Variants in PDZRN3 observed in about 807,000 individuals in gnomAD.
PDZRN3 encodes the protein PDZ domain containing ring finger 3.
Under a neutral mutation model 85.7 loss-of-function variants are expected in PDZRN3, and 38 were observed. The ratio of observed to expected loss-of-function variants is 0.44; its 90% CI spans 0.34 to 0.58. The LOEUF (loss-of-function observed/expected upper bound fraction) is 0.58. Ranked by LOEUF, PDZRN3 falls within the 20% of genes least tolerant of loss-of-function variation. The pLI, the probability that PDZRN3 is intolerant of heterozygous loss-of-function variation, is 0.01. For missense variants in PDZRN3, 1,629 were observed against 1,506.4 expected (o/e 1.08, Z -1.35); for synonymous variants, 759 against 638.0 (o/e 1.19, Z -2.86).
intron 3 of PDZRN3, among the ~76,000 whole-genome samples, chr3:73,513,159 C>G (rs943181037): frequency 3.3e-5 from 5 of 152,160 alleles, no homozygotes; most frequent in African/African-American, 1.2e-4. Context: ...AACAGGGCAA[C>G]CCAGGCTTCC....
chr3:73,411,103 T>G (rs1339428088), intron 3 of PDZRN3, among the ~76,000 whole-genome samples: 1 of 152,238 alleles, frequency 6.6e-6, no homozygotes, highest in Non-Finnish European at 1.5e-5. Context: ...GTTTTGCTCT[T>G]AAGCTTATTC....
intron 3 of PDZRN3, among the ~76,000 whole-genome samples, chr3:73,560,119 A>C (rs1427391687): frequency 6.6e-6 from 1 of 152,224 alleles, no homozygotes; most frequent in Admixed American, 6.5e-5. Context: ...GTAGGTACGA[A>C]CATGACTTTA....
intron 3 of PDZRN3, among the ~76,000 whole-genome samples, chr3:73,410,628 A>T (rs1034824923): frequency 1.3e-5 from 2 of 152,218 alleles, no homozygotes; most frequent in Admixed American, 1.3e-4. Flanking sequence ...TGTCTAACTG[A>T]TGTGTCTCAC....
At chr3:73,599,113 T>A (rs1702473621) in intron 3 of PDZRN3, among the ~76,000 whole-genome samples, 1 of 151,786 alleles carries the variant, frequency 6.6e-6, no homozygotes, top group African/African-American at 2.4e-5. Flanking sequence ...CACAACAGAG[T>A]TTTTGGCAGT....
At chr3:73,420,087 G>A (rs768551451) in intron 3 of PDZRN3, among the ~76,000 whole-genome samples, 9 of 152,182 alleles carry the variant, frequency 5.9e-5, no homozygotes, top group Non-Finnish European at 1.2e-4. Context: ...CTCTGGATAC[G>A]AGACAGTGTA....
At chr3:73,615,202 T>C (rs1173308325) in intron 1 of PDZRN3, among the ~76,000 whole-genome samples, 1 of 152,198 alleles carries the variant, frequency 6.6e-6, no homozygotes, top group Non-Finnish European at 1.5e-5. Flanking sequence ...TTCAGTACTT[T>C]CCTCGTTTAA....
At chr3:73,592,583 G>A (rs1354944752) in intron 3 of PDZRN3, among the ~76,000 whole-genome samples, 1 of 152,154 alleles carries the variant, frequency 6.6e-6, no homozygotes, top group Non-Finnish European at 1.5e-5. Flanking sequence ...AGTTCACGTG[G>A]TCATCAAAAT....
At chr3:73,456,428 G>T (rs1388274042) in intron 3 of PDZRN3, among the ~76,000 whole-genome samples, 1 of 152,160 alleles carries the variant, frequency 6.6e-6, no homozygotes, top group Non-Finnish European at 1.5e-5. Flanking sequence ...TACATTTATG[G>T]TTGAATAAAG....
intron 3 of PDZRN3, among the ~76,000 whole-genome samples, chr3:73,501,906 C>A (rs1703987699): frequency 6.6e-6 from 1 of 152,166 alleles, no homozygotes; most frequent in African/African-American, 2.4e-5. Context: ...ATCCCAGCTA[C>A]TCAGGAGGCT....
At chr3:73,449,153 C>T (rs1314805005) in intron 3 of PDZRN3, among the ~76,000 whole-genome samples, 1 of 151,910 alleles carries the variant, frequency 6.6e-6, no homozygotes, top group Non-Finnish European at 1.5e-5. Context: ...TGATGTAATC[C>T]AACTTGTCAA....
At chr3:73,506,241 C>T (rs1334771072) in intron 3 of PDZRN3, among the ~76,000 whole-genome samples, 5 of 152,126 alleles carry the variant, frequency 3.3e-5, no homozygotes, top group Admixed American at 6.5e-5. Flanking sequence ...GATCTTGCAA[C>T]GTCCGTTTCT....
At chr3:73,550,546 G>A (rs1264785093) in intron 3 of PDZRN3, among the ~76,000 whole-genome samples, 1 of 152,224 alleles carries the variant, frequency 6.6e-6, no homozygotes, top group African/African-American at 2.4e-5. Context: ...GAAAACCACT[G>A]TTGTAAGCAG....
At position 73,491,592 on chromosome 3, in the gene PDZRN3, C is replaced by CTTTTTTTTTTTTTT. The variant is rs367581488; in HGVS notation, c.919-87198_919-87197insAAAAAAAAAAAAAA. ...AAAGAAAAACCTTGTGTGGAAGGTT[C>CTTTTTTTTTTTTTT]CTTTTTTTTTTTTAAGAAGCAGGGT... On this transcript the variant is annotated intron_variant, in intron 3 of 9. Transcript: ENST00000263666. Among the ~76,000 whole-genome samples the CTTTTTTTTTTTTTT allele has an allele frequency of 6.0e-5, 7 of 117,500 alleles. 2 individuals carry two copies. Among genetic ancestry groups the CTTTTTTTTTTTTTT allele is most frequent in the South Asian group, 5.4e-4 (2 of 3,732 alleles). The allele number at this position is 117,500 out of a possible 152,430, so 77.1% of individuals were successfully genotyped here. A position where few individuals can be genotyped will look rare whatever the true frequency, so the allele number is the denominator to read the frequency against.
chr3:73,624,816 C>G lies in PDZRN3; in HGVS notation c.10G>C (p.Glu4Gln). ...ACGTCGCCGTCGAAGCGGTCCAGCT[C>G]GAAGCCCATGGTGGCGGCCAGGCCC... MGF[E>Q]LDRFDGDVDP... Residue 4 changes from glutamate (E) to glutamine (Q), a missense_variant, in exon 1 of 10, where the codon GAG becomes CAG. Transcript: ENST00000263666. The G allele has an allele frequency of 7.4e-7, 1 of 1,349,120 alleles. No individual in the cohort carries two copies. Among genetic ancestry groups the G allele is most frequent in the East Asian group, 2.9e-5 (1 of 34,226 alleles). 83.6% of individuals were successfully genotyped at this position (1,349,120 alleles called of 1,614,324 possible).
Position 73,391,093 on chromosome 3 carries a change from G to C in PDZRN3, c.1278C>G (p.Asn426Lys), listed in dbSNP as rs751849561. The C allele has an allele frequency of 6.2e-7, 1 of 1,613,400 alleles. No homozygotes were observed. The highest frequency in any genetic ancestry group is 1.1e-5 in the South Asian group (1 of 91,034). ...ELEEVDLYRMNSQDKLGLTVC... is the reference protein window; with the variant it reads ...ELEEVDLYRMKSQDKLGLTVC... The stretch of plus-strand genomic sequence containing the variant: ...CAGTGAGGCCCAGCTTGTCCTGGCT[G>C]TTCATTCTGTAGAGGTCCACTTCCT... Residue 426 changes from asparagine (N) to lysine (K), a missense_variant, in exon 6 of 10, where the codon AAC becomes AAG. Physicochemically the swap from Asn to Lys is moderately conservative, Grantham distance 94. Transcript: ENST00000263666.
chr3:73,510,830 T>C (rs146486402), intron 3 of PDZRN3, among the ~76,000 whole-genome samples: 3 of 152,266 alleles, frequency 2.0e-5, no homozygotes, highest in East Asian at 1.9e-4. Flanking sequence ...AACAATAAAA[T>C]AGACCAATTA....
chr3:73,620,798 G>T lies in PDZRN3; in HGVS notation c.723+3305C>A, dbSNP rs538558449. Among the ~76,000 whole-genome samples, 9 of 152,090 alleles carry T rather than the reference G, an allele frequency of 5.9e-5. No homozygotes were observed. The East Asian group carries it at 1.7e-3, about 30-fold the overall frequency. On this transcript the variant is annotated intron_variant, in intron 1 of 9. Transcript: ENST00000263666. ...TCACCGTGTTAGCCAGGATGGTCTCGATCTCCTGATCTCGTGATCCGCCTG... is the reference window on the plus strand; with the variant it reads ...TCACCGTGTTAGCCAGGATGGTCTCTATCTCCTGATCTCGTGATCCGCCTG...
Position 73,424,888 on chromosome 3 carries a change from G to A in PDZRN3, c.919-20493C>T, listed in dbSNP as rs146382738. On this transcript the variant is annotated intron_variant, in intron 3 of 9. Coordinates refer to ENST00000263666, the MANE Select transcript of PDZRN3 (RefSeq NM_015009.3). Reference sequence around the variant, plus strand: ...AGAAGTCAGACAATACCAAGTGTTGGCAGGGATGTGAAGCAACACGAACTT... The same window carrying A: ...AGAAGTCAGACAATACCAAGTGTTGACAGGGATGTGAAGCAACACGAACTT... Among the ~76,000 whole-genome samples, 413 of 152,292 alleles carry A rather than the reference G, an allele frequency of 2.7e-3. 1 individual carries two copies. The highest frequency in any genetic ancestry group is 9.1e-3 in the African/African-American group (379 of 41,552).
chr3:73,449,210 A>G (rs1161455798), intron 3 of PDZRN3, among the ~76,000 whole-genome samples: 6 of 152,146 alleles, frequency 3.9e-5, no homozygotes, highest in Admixed American at 3.9e-4. Flanking sequence ...GAGCCTTGGG[A>G]CCCAGCGTGC....
Sources: allele counts gnomAD v4.1 joint callset (sites outside exome capture counted in the v4.1 genomes callset), GRCh38; gene constraint gnomAD v4.1.1; transcripts MANE v1.5; gene names NCBI Gene and HGNC (gene_info 2026-07-23, HGNC 2026-07-21).